STOX2: variants seen among roughly 807,000 people sequenced by gnomAD.
The protein encoded by STOX2 is storkhead box 2, also known as storkhead-box protein 2.
Under a neutral mutation model 60.9 loss-of-function variants are expected in STOX2, and 28 were observed. The ratio of observed to expected loss-of-function variants is 0.46; its 90% CI spans 0.34 to 0.63. STOX2 has a LOEUF of 0.63. STOX2 is among the 30% of genes least tolerant of loss of function. The pLI is 0.01. For synonymous variants in STOX2, 472 were observed against 463.9 expected (o/e 1.02, Z -0.22); for missense variants, 1,024 against 1,187.7 (o/e 0.86, Z 2.03).
intron 1 of STOX2, among the ~76,000 whole-genome samples, chr4:183,927,344 C>T (rs1742270428): frequency 6.6e-6 from 1 of 152,148 alleles, no homozygotes; most frequent in Non-Finnish European, 1.5e-5. Flanking sequence ...GGATCAAATG[C>T]CTTCATCAAT....
chr4:184,008,795 T>C (rs1178381254), intron 2 of STOX2, among the ~76,000 whole-genome samples: 1 of 152,226 alleles, frequency 6.6e-6, no homozygotes, highest in Non-Finnish European at 1.5e-5. Flanking sequence ...AAGCCTTTTC[T>C]ATACTTTCAT....
intron 1 of STOX2, among the ~76,000 whole-genome samples, chr4:183,996,207 A>C (rs974829570): frequency 6.6e-6 from 1 of 152,208 alleles, no homozygotes; most frequent in South Asian, 2.1e-4. Context: ...ACTGTACTTA[A>C]ATGGATGTTT....
intron 1 of STOX2, among the ~76,000 whole-genome samples, chr4:183,945,705 A>C (rs1486481756): frequency 6.6e-6 from 1 of 152,202 alleles, no homozygotes; most frequent in Non-Finnish European, 1.5e-5. Flanking sequence ...TGGGTACAGC[A>C]AAGTTGTTTC....
chr4:183,964,448 C>T (rs1434308720), intron 1 of STOX2, among the ~76,000 whole-genome samples: 1 of 152,128 alleles, frequency 6.6e-6, no homozygotes, highest in Non-Finnish European at 1.5e-5. Flanking sequence ...GAAATGCTGT[C>T]TTTATCTCAG....
At chr4:183,838,074 A>T (rs1739758927) in intron 1 of STOX2, among the ~76,000 whole-genome samples, 4 of 151,984 alleles carry the variant, frequency 2.6e-5, no homozygotes, top group Admixed American at 2.6e-4. Flanking sequence ...TTTAGTGATA[A>T]TTTTTACGGT....
intron 1 of STOX2, among the ~76,000 whole-genome samples, chr4:183,871,083 A>G (rs1208862172): frequency 1.3e-5 from 2 of 152,192 alleles, no homozygotes; most frequent in African/African-American, 4.8e-5. Context: ...ACGAGACTGC[A>G]GTGAGTGTTA....
chr4:183,929,944 A>C (rs1742367344), intron 1 of STOX2, among the ~76,000 whole-genome samples: 1 of 149,838 alleles, frequency 6.7e-6, no homozygotes, highest in Admixed American at 6.6e-5. Flanking sequence ...GCTCACTGCA[A>C]GCTCCGCCTC....
rs141200264 is a variant in STOX2 at position 183,966,988 on chromosome 4, C to T, written c.167-34337C>T. On this transcript the variant is annotated intron_variant, in intron 1 of 3. Coordinates refer to ENST00000308497, the MANE Select transcript of STOX2 (RefSeq NM_020225.3). ...TAAGGTTCTTATGAGAACAAAGTGA[C>T]GTGACATGTAGAAAGCCCCTTTGTA... is the stretch of plus-strand genomic sequence containing the variant. Among the ~76,000 whole-genome samples the T allele has an allele frequency of 2.0e-3, 307 of 152,172 alleles. 2 individuals are homozygous for T. Among genetic ancestry groups the T allele is most frequent in the African/African-American group, 6.9e-3 (287 of 41,508 alleles).
In STOX2 at chr4:183,865,883, T is replaced by C. The variant is rs1419389430; in HGVS notation, c.364+67828T>C. Among the ~76,000 whole-genome samples the C allele has an allele frequency of 5.3e-5, 8 of 152,120 alleles. No homozygotes were observed. The highest frequency in any genetic ancestry group is 1.9e-4 in the African/African-American group (8 of 41,426). On this transcript the variant is annotated intron_variant, in intron 1 of 2. Coordinates refer to the STOX2 transcript ENST00000513034. This position sits in a 1 kb window ranked among gnomAD's most constrained non-coding sequence, Gnocchi z 4.1. ...TTTTTCTTTTTAACCACTTAGGCAT[T>C]GTGAGTCCATTAAAACAACGTTTAA...
intron 1 of STOX2, among the ~76,000 whole-genome samples, chr4:183,997,253 T>C (rs1416608492): frequency 6.6e-6 from 1 of 152,206 alleles, no homozygotes; most frequent in African/African-American, 2.4e-5. Flanking sequence ...AAAGCCAGTC[T>C]TGAAAGGTCG....
At chr4:183,851,291 GA>G in intron 1 of STOX2, among the ~76,000 whole-genome samples, 1 of 83,908 alleles carries the variant, frequency 1.2e-5, no homozygotes, top group Non-Finnish European at 2.8e-5. Context: ...GAAAGGATGA[GA>G]GAAAGGATGA....
intron 1 of STOX2, among the ~76,000 whole-genome samples, chr4:183,869,740 G>A (rs918397263): frequency 2.0e-5 from 3 of 152,208 alleles, no homozygotes; most frequent in East Asian, 3.8e-4. Context: ...AACTGTGTAA[G>A]TAGAAACAAT....
intron 1 of STOX2, among the ~76,000 whole-genome samples, chr4:183,855,778 G>A (rs1012204601): frequency 2.0e-5 from 3 of 152,202 alleles, no homozygotes; most frequent in Admixed American, 6.5e-5. Flanking sequence ...AGGTATGGTT[G>A]GAATGATGTG....
intron 1 of STOX2, among the ~76,000 whole-genome samples, chr4:183,949,365 C>A (rs577503095): frequency 1.3e-5 from 2 of 152,090 alleles, no homozygotes; most frequent in Non-Finnish European, 2.9e-5. Flanking sequence ...TAAGAAACTG[C>A]CCTTAAAATA....
chr4:183,822,712 A>G (rs112755585), intron 1 of STOX2, among the ~76,000 whole-genome samples: 2,092 of 151,806 alleles, frequency 0.014, 51 homozygotes, highest in African/African-American at 0.047. Flanking sequence ...CTCGCCTGCC[A>G]CTCTCCTCCT....
intron 1 of STOX2, among the ~76,000 whole-genome samples, chr4:183,891,407 T>TATATATATATA (rs1431791867): frequency 8.5e-6 from 1 of 117,604 alleles, no homozygotes; most frequent in Admixed American, 9.6e-5. Context: ...TATATATATA[T>TATATATATATA]GATGGAATAC....
chr4:183,958,579 C>G (rs184628246), intron 1 of STOX2, among the ~76,000 whole-genome samples: 1 of 152,284 alleles, frequency 6.6e-6, no homozygotes, highest in African/African-American at 2.4e-5. Flanking sequence ...ATTCTCTTCT[C>G]CTTTTCTATT....
At chr4:184,006,852 T>TAA (rs1244588196) in intron 2 of STOX2, among the ~76,000 whole-genome samples, 1 of 150,468 alleles carries the variant, frequency 6.6e-6, no homozygotes, top group African/African-American at 2.4e-5. Flanking sequence ...CCGTCTCTAC[T>TAA]AAAAATACAA....
chr4:183,954,240 T>G (rs1257886684), intron 1 of STOX2, among the ~76,000 whole-genome samples: 3 of 152,182 alleles, frequency 2.0e-5, no homozygotes, highest in African/African-American at 7.2e-5. Context: ...CGGATTGATT[T>G]CTGCCCTACC....
Sources: gnomAD v4.1 joint callset for allele counts (sites outside exome capture counted in the v4.1 genomes callset) on GRCh38, gnomAD v4.1.1 for gene constraint, Gnocchi (gnomAD v3.1) non-coding constraint, MANE v1.5 for transcripts, NCBI Gene and HGNC (gene_info 2026-07-23, HGNC 2026-07-21) for gene names.